Variants in CEP57L1 observed in about 807,000 individuals in gnomAD.
The protein encoded by CEP57L1 is centrosomal protein 57 like 1, also known as centrosomal protein CEP57L1.
In CEP57L1, 37 loss-of-function variants were observed where a neutral mutation model predicts 61.0. That is an observed-to-expected ratio of 0.61 (90% CI 0.47 to 0.80). The LOEUF (loss-of-function observed/expected upper bound fraction) is 0.80. Ranked by LOEUF, CEP57L1 falls within the 30% of genes least tolerant of loss-of-function variation. The pLI is 0.00. For synonymous variants in CEP57L1, 137 were observed against 162.3 expected, an observed-to-expected ratio of 0.84 and a Z score of 1.19; for missense variants, 422 against 524.7, an observed-to-expected ratio of 0.80 and a Z score of 1.91.
At chr6:109,149,844 A>G (rs1772402248) in intron 3 of CEP57L1, among the ~76,000 whole-genome samples, 1 of 152,090 alleles carries the variant, frequency 6.6e-6, no homozygotes, top group Admixed American at 6.6e-5. Context: ...TGTCCCTTGT[A>G]AGTTGGATTC....
At chr6:109,102,537 T>C (rs959469364) in intron 1 of CEP57L1, among the ~76,000 whole-genome samples, 1 of 152,220 alleles carries the variant, frequency 6.6e-6, no homozygotes, top group African/African-American at 2.4e-5. Flanking sequence ...ATCATGCTTT[T>C]CGTGTTGTAG....
At position 109,159,476 on chromosome 6, in the gene CEP57L1, T is replaced by G; in HGVS notation, c.1016+14T>G. The G allele has an allele frequency of 6.2e-7, 1 of 1,605,664 alleles. No homozygotes were observed. The highest frequency in any genetic ancestry group is 8.5e-7 in the Non-Finnish European group (1 of 1,176,342). On this transcript the variant is annotated intron_variant, in intron 9 of 10. Transcript: ENST00000517392. ...CCAAATGAGCATGTAAGTATTTATA[T>G]TCTTTTTTTTTTTCAAGAGACAGTG... is the stretch of plus-strand genomic sequence containing the variant.
In CEP57L1 at chr6:109,167,421, G is replaced by A. The variant is rs914013119; in HGVS notation, c.*4451G>A. 4.6e-5 allele frequency among the ~76,000 whole-genome samples: 7 copies of A among 151,926 alleles called. No individual in the cohort carries two copies. Among genetic ancestry groups the A allele is most frequent in the African/African-American group, 1.5e-4 (6 of 41,332 alleles). ...TTTGGGGCTGAGCACTGTGTCTTAC[G>A]CCTGTAATCCCAGCACTGTGAGAGG... On this transcript the variant is annotated 3_prime_UTR_variant, in exon 11 of 11. Transcript: ENST00000517392.
At chr6:109,160,773 T>C (rs1346284760) in intron 10 of CEP57L1, 57 bp downstream of exon 10, 1 of 1,527,318 alleles carries the variant, frequency 6.5e-7, no homozygotes, top group East Asian at 2.3e-5. Context: ...GGATTCAGTG[T>C]TGTATCTCTG....
At chr6:109,160,514 G>C in intron 9 of CEP57L1, 58 bp from the exon 10 acceptor site, 1 of 1,360,232 alleles carries the variant, frequency 7.4e-7, no homozygotes. Flanking sequence ...CTTAATTATG[G>C]CAAAGAAATA....
rs977962136 is a variant in CEP57L1, at chr6:109,095,553, G to A, written c.-26G>A. ...CGAACCAACGGTTAGCGGTGGCAGG[G>A]GCTGACTGAGAGCGTCTGCTTGGTA... On this transcript the variant is annotated 5_prime_UTR_variant, in exon 1 of 11. Transcript: ENST00000517392. 4 of 985,704 alleles carry A rather than the reference G, an allele frequency of 4.1e-6. No homozygotes were observed. Among genetic ancestry groups the A allele is most frequent in the Admixed American group, 6.1e-5 (1 of 16,264 alleles). The allele number at this position is 985,704 out of a possible 1,614,324, so 61.1% of individuals were successfully genotyped here. A position where few individuals can be genotyped will look rare whatever the true frequency, so the allele number is the denominator to read the frequency against.
At chr6:109,142,640 A>G (rs980935592) in intron 1 of CEP57L1, among the ~76,000 whole-genome samples, 8 of 151,944 alleles carry the variant, frequency 5.3e-5, no homozygotes, top group East Asian at 3.9e-4. Context: ...AAAAGGTACA[A>G]CTTGAGTTTC....
chr6:109,106,505 C>A (rs1247651009), intron 1 of CEP57L1, among the ~76,000 whole-genome samples: 4 of 151,992 alleles, frequency 2.6e-5, no homozygotes, highest in African/African-American at 9.7e-5. Context: ...AATTAGTATT[C>A]CATTTATTAA....
At position 109,160,608 on chromosome 6, in the gene CEP57L1, T is replaced by C; in HGVS notation, c.1053T>C (p.Thr351=). 2 of 1,606,058 alleles carry C rather than the reference T, an allele frequency of 1.2e-6. No homozygotes were observed. The highest frequency in any genetic ancestry group is 1.7e-6 in the Non-Finnish European group (2 of 1,177,370). ...AACTACTGAAACAAATGAAGGAAAC[T>C]GAAAGTCATTCAGTCTGTGACGACA... ...HQELLKQMKE[T]ESHSVCDDIE... The change falls in exon 10 of 11, where the codon ACT becomes ACC. Residue 351 remains threonine, a synonymous_variant. Transcript: ENST00000517392.
intron 1 of CEP57L1, chr6:109,140,271 A>G (rs1312604049): frequency 1.3e-5 from 2 of 151,646 alleles, no homozygotes; most frequent in Non-Finnish European, 2.9e-5. Flanking sequence ...TTATGACGTT[A>G]GTAGTTTTCT....
intron 3 of CEP57L1, 87 bp downstream of exon 3, chr6:109,147,024 A>G (rs532709912): frequency 1.3e-5 from 13 of 1,020,754 alleles, no homozygotes; most frequent in African/African-American, 5.1e-5. Context: ...CGATGTACTC[A>G]GATATCTTTA....
chr6:109,119,645 T>C (rs777881236), intron 1 of CEP57L1, among the ~76,000 whole-genome samples: 6 of 152,182 alleles, frequency 3.9e-5, no homozygotes, highest in Admixed American at 6.5e-5. Context: ...CAAAAAAATA[T>C]TATCTTAGGC....
In CEP57L1 at chr6:109,173,886, G is replaced by C. The variant is rs1774518815; in HGVS notation, c.*10916G>C. Among the ~76,000 whole-genome samples the C allele has an allele frequency of 6.6e-6, 1 of 151,564 alleles. No homozygotes were observed. Among genetic ancestry groups the C allele is most frequent in the Non-Finnish European group, 1.5e-5 (1 of 67,928 alleles). On this transcript the variant is annotated 3_prime_UTR_variant, in exon 11 of 11. Coordinates refer to ENST00000517392, the MANE Select transcript of CEP57L1 (RefSeq NM_001271852.3). ...GGCAAAGGAAGGTGGATCACTTGAG[G>C]TCAGGAGTTTGAGACCAGCCTCCAA...
chr6:109,172,474 G>A lies in CEP57L1; in HGVS notation c.*9504G>A, dbSNP rs1017331164. Among the ~76,000 whole-genome samples, 6 of 152,226 alleles carry A rather than the reference G, an allele frequency of 3.9e-5. No individual in the cohort carries two copies. The highest frequency in any genetic ancestry group is 8.8e-5 in the Non-Finnish European group (6 of 68,046). ...AAATTAAAACATTCATATCAGGCAGGATAGTCCAAGGACTTAGAGGTTATC... is the reference window on the plus strand; with the variant it reads ...AAATTAAAACATTCATATCAGGCAGAATAGTCCAAGGACTTAGAGGTTATC... On this transcript the variant is annotated 3_prime_UTR_variant, in exon 11 of 11. Coordinates refer to ENST00000517392, the MANE Select transcript of CEP57L1 (RefSeq NM_001271852.3).
intron 1 of CEP57L1, among the ~76,000 whole-genome samples, chr6:109,111,442 TA>T (rs999288100): frequency 9.8e-5 from 15 of 152,336 alleles, no homozygotes; most frequent in Admixed American, 9.8e-4. Context: ...TGGGGTTTTC[TA>T]AATATACAAT....
chr6:109,143,389 G>T (rs1204742462), intron 1 of CEP57L1, among the ~76,000 whole-genome samples: 1 of 152,128 alleles, frequency 6.6e-6, no homozygotes, highest in African/African-American at 2.4e-5. Flanking sequence ...GTAGGCTTAT[G>T]CACTTGTTTA....
chr6:109,165,441 A>G lies in CEP57L1; in HGVS notation c.*2471A>G, dbSNP rs957530806. 6.6e-6 allele frequency among the ~76,000 whole-genome samples: 1 copy of G among 151,946 alleles called. No homozygotes were observed. The highest frequency in any genetic ancestry group is 1.5e-5 in the Non-Finnish European group (1 of 67,994). On this transcript the variant is annotated 3_prime_UTR_variant, in exon 11 of 11. Transcript: ENST00000517392. ...AAAAAAAAAAAAAAATGTAGAACAC[A>G]TGTTTGCATGGGTTGAAGCCTAAAA... is the stretch of plus-strand genomic sequence containing the variant.
chr6:109,122,285 A>G (rs1430840478), intron 1 of CEP57L1, among the ~76,000 whole-genome samples: 1 of 152,110 alleles, frequency 6.6e-6, no homozygotes, highest in Non-Finnish European at 1.5e-5. Flanking sequence ...CTTTTAGATA[A>G]AATTGCTTCT....
At position 109,159,065 on chromosome 6, in the gene CEP57L1, G is replaced by A. The variant is rs1773483982; in HGVS notation, c.785G>A (p.Cys262Tyr). Residue 262 changes from cysteine (C) to tyrosine (Y), a missense_variant, in exon 8 of 11, where the codon TGT (cysteine) becomes TAT (tyrosine). Transcript: ENST00000517392. ...AAGAGACGACCACCTTGGCAAATTT[G>A]TTCAAAGTTTGGAGCACTGCCTTTT... is the stretch of plus-strand genomic sequence containing the variant. ...CIKRRPPWQICSKFGALPFVA... is the reference protein window; with the variant it reads ...CIKRRPPWQIYSKFGALPFVA... 1.2e-6 allele frequency: 2 copies of A among 1,613,858 alleles called. No individual in the cohort carries two copies. The highest frequency in any genetic ancestry group is 1.7e-6 in the Non-Finnish European group (2 of 1,179,918).
Sources: allele counts gnomAD v4.1 joint callset (sites outside exome capture counted in the v4.1 genomes callset), GRCh38; gene constraint gnomAD v4.1.1; transcripts MANE v1.5; gene names NCBI Gene and HGNC (gene_info 2026-07-23, HGNC 2026-07-21).